RBM25: variants seen among roughly 807,000 people sequenced by gnomAD.
RBM25 encodes the protein RNA binding motif protein 25, also known as RNA-binding protein 25.
In RBM25, 19 loss-of-function variants were observed where a neutral mutation model predicts 120.7. That is an observed-to-expected ratio of 0.16 (90% confidence interval 0.11 to 0.23). The LOEUF (loss-of-function observed/expected upper bound fraction) is 0.23. Ranked by LOEUF, RBM25 falls within the 10% of genes least tolerant of loss-of-function variation. The pLI is 1.00. For synonymous variants in RBM25, 390 were observed against 326.7 expected (o/e 1.19, Z -2.09); for missense variants, 605 against 1,041.5 (o/e 0.58, Z 5.77).
rs553158805 is a variant in RBM25, at chr14:73,060,062, C to T, written c.-16+1357C>T. 1.9e-3 allele frequency among the ~76,000 whole-genome samples: 287 copies of T among 151,532 alleles called. 1 individual carries two copies. Among genetic ancestry groups the T allele is most frequent in the African/African-American group, 6.2e-3 (258 of 41,284 alleles). ...TTTTGTGTTGTTGTTTTTTTTAAGA[C>T]GGAGTCTTGCTGTGTTGCCCAGGCT... On this transcript the variant is annotated intron_variant, in intron 1 of 18. Transcript: ENST00000261973.
At chr14:73,107,235 C>T (rs1356769304) in intron 12 of RBM25, 2 of 152,168 alleles carry the variant, frequency 1.3e-5, no homozygotes, top group African/African-American at 2.4e-5. Flanking sequence ...TTTATTGTAG[C>T]GTAGCGTATA....
chr14:73,068,105 ACCTC>A, intron 1 of RBM25: 2 of 699,228 alleles, frequency 2.9e-6, no homozygotes, highest in Non-Finnish European at 4.9e-6. Context: ...CCCCAACTTT[ACCTC>A]GTTCACAGAC....
chr14:73,103,998 T>A (rs756481341), intron 10 of RBM25, among the ~76,000 whole-genome samples: 213 of 139,362 alleles, frequency 1.5e-3, no homozygotes, highest in Middle Eastern at 3.5e-3. Context: ...ACACACACTC[T>A]CTCTCTCTCT....
intron 5 of RBM25, 113 bp downstream of exon 5, chr14:73,083,664 C>A: frequency 3.1e-6 from 2 of 650,650 alleles, no homozygotes; most frequent in Non-Finnish European, 4.7e-6. Flanking sequence ...ATTTTATTAG[C>A]ACTCTTTGTC....
chr14:73,112,667 AC>A (rs1368251061), intron 17 of RBM25, among the ~76,000 whole-genome samples: 3 of 151,872 alleles, frequency 2.0e-5, no homozygotes, highest in Non-Finnish European at 4.4e-5. Context: ...TTTGTCAGTC[AC>A]CCATCCTTTG....
In RBM25 at chr14:73,112,369, G is replaced by A. The variant is rs1896326330; in HGVS notation, c.2391+119G>A. ...TCCATGATGGTTTAGGTTCAGTTAAGTGATTTATATCTGCTTTTTTAAAGT... is the reference window on the plus strand; with the variant it reads ...TCCATGATGGTTTAGGTTCAGTTAAATGATTTATATCTGCTTTTTTAAAGT... On this transcript the variant is annotated intron_variant, in intron 17 of 18. Transcript: ENST00000261973. 3 of 968,134 alleles carry A rather than the reference G, an allele frequency of 3.1e-6. No homozygotes were observed. The African/African-American group carries it at 5.2e-5, about 17-fold the overall frequency. The allele number at this position is 968,134 out of a possible 1,614,324, so 60.0% of individuals were successfully genotyped here.
intron 1 of RBM25, chr14:73,064,993 C>CA (rs1458689945): frequency 1.3e-5 from 2 of 148,832 alleles, no homozygotes; most frequent in Non-Finnish European, 3.0e-5. Context: ...CTCTGTCGTT[C>CA]AGGTTGGAGT....
In RBM25 at chr14:73,111,104, C is replaced by A. The variant is rs768332342; in HGVS notation, c.1966C>A (p.Gln656Lys). The A allele has an allele frequency of 6.2e-7, 1 of 1,614,154 alleles. No homozygotes were observed. Among genetic ancestry groups the A allele is most frequent in the Middle Eastern group, 1.6e-4 (1 of 6,062 alleles). The change falls in exon 15 of 19, where the codon CAA becomes AAA. Residue 656 changes from glutamine (Q) to lysine (K), a missense_variant. Physicochemically the swap from Gln to Lys is moderately conservative, Grantham distance 53. Coordinates refer to ENST00000261973, the MANE Select transcript of RBM25 (RefSeq NM_021239.3). ...IIIPHENSPD[Q>K]QQPEEHRPKI... ...TATTCCTCATGAAAACTCACCAGAT[C>A]AACAGCAACCTGAGGAGCATAGGCC...
chr14:73,071,400 G>A (rs552302594), intron 1 of RBM25, among the ~76,000 whole-genome samples: 1 of 152,174 alleles, frequency 6.6e-6, no homozygotes, highest in Admixed American at 6.6e-5. Context: ...ATTCCTACAT[G>A]ATTGTAGGAG....
chr14:73,083,075 G>A (rs1482782834), intron 4 of RBM25, among the ~76,000 whole-genome samples: 4 of 151,928 alleles, frequency 2.6e-5, no homozygotes, highest in East Asian at 1.9e-4. Flanking sequence ...GCGAGACTCC[G>A]TCTCAAAAGA....
In RBM25 at chr14:73,109,325, A is replaced by G. The variant is rs1404685459; in HGVS notation, c.1542-17A>G. 1.2e-6 allele frequency: 2 copies of G among 1,607,354 alleles called. No individual in the cohort carries two copies. The highest frequency in any genetic ancestry group is 3.4e-5 in the Admixed American group (2 of 58,532). ...ATCGGAGTATTAAATGAAGCCTTTT[A>G]TCATTCACTTTTACAGAGGAAGTGC... On this transcript the variant is annotated splice_polypyrimidine_tract_variant and intron_variant, in intron 13 of 18. Coordinates refer to ENST00000261973, the MANE Select transcript of RBM25 (RefSeq NM_021239.3).
At chr14:73,103,587 A>T (rs1233166569) in intron 10 of RBM25, 109 bp downstream of exon 10, 7 of 1,434,182 alleles carry the variant, frequency 4.9e-6, no homozygotes, top group Admixed American at 2.7e-5. Context: ...TGTGTGTGTG[A>T]GACATTCTCA....
At chr14:73,093,140 G>A (rs1895855777) in intron 6 of RBM25, among the ~76,000 whole-genome samples, 3 of 152,108 alleles carry the variant, frequency 2.0e-5, no homozygotes, top group Non-Finnish European at 4.4e-5. Context: ...ATATATTCAA[G>A]AATGAACACT....
intron 9 of RBM25, 138 bp downstream of exon 9, chr14:73,099,888 A>G (rs1027414164): frequency 2.3e-6 from 3 of 1,286,648 alleles, no homozygotes; most frequent in African/African-American, 3.0e-5. Context: ...TTAGATAGAA[A>G]AAAGAAACAG....
At chr14:73,074,113 T>C (rs1291090427) in intron 2 of RBM25, among the ~76,000 whole-genome samples, 2 of 152,204 alleles carry the variant, frequency 1.3e-5, no homozygotes, top group African/African-American at 4.8e-5. Context: ...AGAAGGAAAG[T>C]GTTTTGAACA....
In RBM25 at chr14:73,122,257, CTTTTTTTGTTG is replaced by C. The variant is rs1444782341; in HGVS notation, c.*2461_*2471del. The C allele has an allele frequency of 6.8e-6, 1 of 147,516 alleles. No individual in the cohort carries two copies. Among genetic ancestry groups the C allele is most frequent in the Non-Finnish European group, 1.5e-5 (1 of 67,038 alleles). 9.1% of individuals were successfully genotyped at this position (147,516 alleles called of 1,614,324 possible). A position where few individuals can be genotyped will look rare whatever the true frequency, so the allele number is the denominator to read the frequency against. On this transcript the variant is annotated 3_prime_UTR_variant, in exon 19 of 19. Transcript: ENST00000261973. Reference sequence around the variant, plus strand: ...GTTGTTATATAAAGAGCATGAAAGTCTTTTTTTGTTGTTTTTTTGGGGTTTTTTTTTTTTTG... The same window carrying C: ...GTTGTTATATAAAGAGCATGAAAGTCTTTTTTTGGGGTTTTTTTTTTTTTG...
chr14:73,100,981 T>G (rs984403113), intron 9 of RBM25: 1 of 152,182 alleles, frequency 6.6e-6, no homozygotes, highest in Non-Finnish European at 1.5e-5. Context: ...CCCCTTTTTG[T>G]TTTTATTTAT....
At chr14:73,058,780 G>C (rs1416196869) in intron 1 of RBM25, 75 bp downstream of exon 1, 2 of 151,536 alleles carry the variant, frequency 1.3e-5, no homozygotes, top group Non-Finnish European at 2.9e-5. Flanking sequence ...GAAAAGCCGG[G>C]GTGGCTGCGA....
At position 73,118,671 on chromosome 14, in the gene RBM25, T is replaced by C. The variant is rs1896483226; in HGVS notation, c.2440-1042T>C. On this transcript the variant is annotated intron_variant, in intron 18 of 18. Transcript: ENST00000261973. ...TATCTGTAAAGGTAAAATAAAAGAA[T>C]AAAAGGTGGATCACAAAAATATGGT... Among the ~76,000 whole-genome samples, 7 of 152,102 alleles carry C rather than the reference T, an allele frequency of 4.6e-5. No homozygotes were observed. The South Asian group carries it at 1.2e-3, about 27-fold the overall frequency.
Sources: allele counts gnomAD v4.1 joint callset (sites outside exome capture counted in the v4.1 genomes callset), GRCh38; gene constraint gnomAD v4.1.1; transcripts MANE v1.5; gene names NCBI Gene and HGNC (gene_info 2026-07-23, HGNC 2026-07-21).